ZNF805: variants seen among roughly 807,000 people sequenced by gnomAD.
ZNF805 encodes the protein CTC-444N24.8.
Under a neutral mutation model 13.6 loss-of-function variants are expected in ZNF805, and 7 were observed. The observed-to-expected ratio is 0.51, with a 90% CI of 0.29 to 0.97. The LOEUF (loss-of-function observed/expected upper bound fraction) is 0.97. Ranked by LOEUF, ZNF805 falls within the 50% of genes least tolerant of loss-of-function variation. ZNF805 has a pLI of 0.08. For missense variants in ZNF805, 604 were observed against 771.0 expected, an observed-to-expected ratio of 0.78 and a Z score of 2.57; for synonymous variants, 293 against 279.8, an observed-to-expected ratio of 1.05 and a Z score of -0.47.
At position 57,257,967 on chromosome 19, in the gene ZNF805, C is replaced by T. The variant is rs910520246; in HGVS notation, c.*3264C>T. Among the ~76,000 whole-genome samples, 6 of 150,882 alleles carry T rather than the reference C, an allele frequency of 4.0e-5. No individual in the cohort carries two copies. The highest frequency in any genetic ancestry group is 2.6e-4 in the Admixed American group (4 of 15,132). On this transcript the variant is annotated 3_prime_UTR_variant, in exon 4 of 4. Transcript: ENST00000414468. Reference sequence around the variant, plus strand: ...AGGTGATCCACCTGCCTCAGCCTCCCAAAGTGCTAGGATTACTGGTATGAG... The same window carrying T: ...AGGTGATCCACCTGCCTCAGCCTCCTAAAGTGCTAGGATTACTGGTATGAG...
Position 57,254,598 on chromosome 19 carries a change from C to CT in ZNF805, c.1784dup (p.Leu595PhefsTer6). On this transcript the variant is annotated frameshift_variant, in exon 4 of 4. Transcript: ENST00000414468. LOFTEE classifies it low-confidence loss of function (END_TRUNC). ...TCCAAGAACTTTTATTGGGGAAAAA[C>CT]TTTTTGAATGTCACCACTGAGGAAA... is the stretch of plus-strand genomic sequence containing the variant. 2 of 1,614,090 alleles carry CT rather than the reference C, an allele frequency of 1.2e-6. No individual in the cohort carries two copies.
chr19:57,240,685 T>G lies in ZNF805; in HGVS notation c.-207T>G. ...GGGCGGTGTTCCGTGGCCGCCTCCC[T>G]GGCGGCGCTGGGGAAATGAGCAGGT... On this transcript the variant is annotated 5_prime_UTR_variant, in exon 1 of 4. Coordinates refer to ENST00000414468, the MANE Select transcript of ZNF805 (RefSeq NM_001023563.4). The G allele has an allele frequency of 1.9e-6, 1 of 525,422 alleles. No individual in the cohort carries two copies. Among genetic ancestry groups the G allele is most frequent in the Non-Finnish European group, 3.4e-6 (1 of 296,156 alleles). The allele number at this position is 525,422 out of a possible 1,614,324, so 32.5% of individuals were successfully genotyped here.
rs1035642971 is a variant in ZNF805 at position 57,256,643 on chromosome 19, G to A, written c.*1940G>A. On this transcript the variant is annotated 3_prime_UTR_variant, in exon 4 of 4. Transcript: ENST00000414468. ...CCTTTTATCCTCTTGATGGCAGCAGGATCTGTACTTATGTTCCTTGTTGTA... is the reference window on the plus strand; with the variant it reads ...CCTTTTATCCTCTTGATGGCAGCAGAATCTGTACTTATGTTCCTTGTTGTA... 1.3e-4 allele frequency among the ~76,000 whole-genome samples: 20 copies of A among 152,048 alleles called. No homozygotes were observed. The highest frequency in any genetic ancestry group is 4.6e-4 in the Admixed American group (7 of 15,272).
intron 1 of ZNF805, among the ~76,000 whole-genome samples, chr19:57,241,581 C>G (rs958173987): frequency 1.3e-5 from 2 of 152,098 alleles, no homozygotes. Flanking sequence ...ACCCGGTCCA[C>G]TATGGCTGAC....
intron 3 of ZNF805, among the ~76,000 whole-genome samples, chr19:57,251,754 C>T (rs11667407): frequency 0.44 from 66,452 of 151,998 alleles, 15,755 homozygotes; most frequent in Non-Finnish European, 0.53. Context: ...ATTTGGCATT[C>T]AAGTCTTTAT....
intron 2 of ZNF805, 144 bp downstream of exon 2, chr19:57,244,193 C>CCTG: frequency 2.4e-6 from 2 of 816,818 alleles, no homozygotes; most frequent in East Asian, 3.2e-5. Flanking sequence ...CAACACTCAC[C>CCTG]TCTTCCTTTT....
intron 2 of ZNF805, among the ~76,000 whole-genome samples, chr19:57,244,271 C>T (rs972630772): frequency 4.4e-5 from 6 of 137,734 alleles, no homozygotes; most frequent in Non-Finnish European, 6.0e-5. Flanking sequence ...AGCACGAACT[C>T]GGGTCACTGC....
chr19:57,242,189 A>G (rs2087583844), intron 1 of ZNF805, among the ~76,000 whole-genome samples: 1 of 152,270 alleles, frequency 6.6e-6, no homozygotes, highest in South Asian at 2.1e-4. Context: ...GCACTTAAGT[A>G]ACAAACTCAT....
intron 3 of ZNF805, among the ~76,000 whole-genome samples, chr19:57,252,321 T>C (rs1316392833): frequency 6.6e-6 from 1 of 152,178 alleles, no homozygotes; most frequent in Non-Finnish European, 1.5e-5. Context: ...TAATTCCAAC[T>C]GCAAATTCAG....
chr19:57,252,627 T>G (rs1256613186), intron 3 of ZNF805, among the ~76,000 whole-genome samples: 1 of 152,172 alleles, frequency 6.6e-6, no homozygotes, highest in East Asian at 1.9e-4. Flanking sequence ...AATCGAGACA[T>G]TGCCCACATT....
Position 57,240,891 on chromosome 19 carries a change from T to C in ZNF805, c.-1T>C, listed in dbSNP as rs1463367667. On this transcript the variant is annotated 5_prime_UTR_variant, in exon 1 of 4. Transcript: ENST00000414468. ...CCCCGCTAGGGCCACAGGGTCCCGG[T>C]ATGGCGATGGCTTTGACGGACCCGG... 5 of 1,554,428 alleles carry C rather than the reference T, an allele frequency of 3.2e-6. No individual in the cohort carries two copies. Among genetic ancestry groups the C allele is most frequent in the Non-Finnish European group, 4.4e-6 (5 of 1,149,032 alleles).
In ZNF805 at chr19:57,256,814, G is replaced by A. The variant is rs1043265894; in HGVS notation, c.*2111G>A. ...TAATTTCACTGATATCTGCTCTGAT[G>A]TGTATTGTATCCTTTCTCCTACTTG... is the stretch of plus-strand genomic sequence containing the variant. On this transcript the variant is annotated 3_prime_UTR_variant, in exon 4 of 4. Transcript: ENST00000414468. 2.6e-5 allele frequency among the ~76,000 whole-genome samples: 4 copies of A among 152,076 alleles called. No individual in the cohort carries two copies. The highest frequency in any genetic ancestry group is 9.7e-5 in the African/African-American group (4 of 41,412).
In ZNF805 at chr19:57,245,647, CGG is replaced by C. The variant is rs1568488053; in HGVS notation, c.157+1600_157+1601del. On this transcript the variant is annotated intron_variant, in intron 2 of 3. Transcript: ENST00000414468. Reference sequence around the variant, plus strand: ...ACAAAAAATTAGCCGGGCGTGGTGGCGGGTGCCTGTAGTCCCAGCTACTCGGG... The same window carrying C: ...ACAAAAAATTAGCCGGGCGTGGTGGCGTGCCTGTAGTCCCAGCTACTCGGG... Among the ~76,000 whole-genome samples the C allele has an allele frequency of 2.5e-4, 37 of 149,264 alleles. No homozygotes were observed. In the East Asian group the frequency reaches 5.2e-3, roughly 21 times the overall value.
At chr19:57,248,938 C>T (rs752298856) in intron 3 of ZNF805, among the ~76,000 whole-genome samples, 11 of 152,164 alleles carry the variant, frequency 7.2e-5, no homozygotes, top group Non-Finnish European at 1.5e-4. Flanking sequence ...GCCTTGTGTG[C>T]CGGAACCCTG....
chr19:57,241,221 C>G (rs1285441350), intron 1 of ZNF805, among the ~76,000 whole-genome samples: 1 of 152,142 alleles, frequency 6.6e-6, no homozygotes, highest in Non-Finnish European at 1.5e-5. Context: ...GGAAGCCAGT[C>G]TGCCTTAAGT....
intron 3 of ZNF805, among the ~76,000 whole-genome samples, chr19:57,252,728 C>T (rs2087659020): frequency 6.6e-6 from 1 of 152,142 alleles, no homozygotes; most frequent in Admixed American, 6.5e-5. Flanking sequence ...ACTGGTTGGT[C>T]TTTCTGGTGC....
rs765773757 is a variant in ZNF805, at chr19:57,253,793, G to A, written c.974G>A (p.Arg325Gln). The A allele has an allele frequency of 1.2e-5, 20 of 1,614,002 alleles. No homozygotes were observed. Among genetic ancestry groups the A allele is most frequent in the East Asian group, 2.2e-5 (1 of 44,854 alleles). Residue 325 changes from arginine to glutamine, a missense_variant, in exon 4 of 4, where the codon CGA (arginine) becomes CAA (glutamine). Around this residue, in one of 3 missense-constraint regions of ZNF805, gnomAD observed 228 missense variants for 352.8 expected, o/e 0.65. Coordinates refer to ENST00000414468, the MANE Select transcript of ZNF805 (RefSeq NM_001023563.4). The surrounding 1 kb of genome is among the most constrained non-coding windows in gnomAD (Gnocchi z 4.4). Reference sequence around the variant, plus strand: ...TGCAAAGAGTGTGGCAAAGCCTTTCGAGATAGGCCAGGTTTCATTCGACAC... The same window carrying A: ...TGCAAAGAGTGTGGCAAAGCCTTTCAAGATAGGCCAGGTTTCATTCGACAC... ...FVCKECGKAF[R>Q]DRPGFIRHYI... is the part of the protein sequence containing the mutation.
Position 57,256,782 on chromosome 19 carries a change from C to CT in ZNF805, c.*2080dup, listed in dbSNP as rs2087689808. On this transcript the variant is annotated 3_prime_UTR_variant, in exon 4 of 4. Transcript: ENST00000414468. Reference sequence around the variant, plus strand: ...TATATCACTGATTTTTCTCCAGTCTCTGTTCTTAATTTCACTGATATCTGC... The same window carrying CT: ...TATATCACTGATTTTTCTCCAGTCTCTTGTTCTTAATTTCACTGATATCTGC... 6.6e-6 allele frequency among the ~76,000 whole-genome samples: 1 copy of CT among 152,058 alleles called. No homozygotes were observed. The highest frequency in any genetic ancestry group is 1.5e-5 in the Non-Finnish European group (1 of 67,974).
At position 57,240,870 on chromosome 19, in the gene ZNF805, G is replaced by T. The variant is rs1250668998; in HGVS notation, c.-22G>T. On this transcript the variant is annotated 5_prime_UTR_variant, in exon 1 of 4. Transcript: ENST00000414468. Reference sequence around the variant, plus strand: ...CCCTGCTCGCCGCAGCCCCCGCCCCGCTAGGGCCACAGGGTCCCGGTATGG... The same window carrying T: ...CCCTGCTCGCCGCAGCCCCCGCCCCTCTAGGGCCACAGGGTCCCGGTATGG... 1.9e-6 allele frequency: 3 copies of T among 1,549,072 alleles called. No homozygotes were observed. The highest frequency in any genetic ancestry group is 3.9e-5 in the Admixed American group (2 of 50,866).
Sources: gnomAD v4.1 joint callset for allele counts (sites outside exome capture counted in the v4.1 genomes callset) on GRCh38, gnomAD v4.1.1 for gene constraint, gnomAD v4.1.1 regional missense constraint, Gnocchi (gnomAD v3.1) non-coding constraint, MANE v1.5 for transcripts, NCBI Gene and HGNC (gene_info 2026-07-23, HGNC 2026-07-21) for gene names.